The following MGA variants were observed in gnomAD, a reference collection of about 807,000 sequenced individuals.
The protein encoded by MGA is MAX gene-associated protein.
A neutral mutation model predicts 261.1 loss-of-function variants in MGA; 40 were observed. The observed-to-expected ratio is 0.15, with a 90% CI of 0.12 to 0.20. The LOEUF (loss-of-function observed/expected upper bound fraction) is 0.20, where lower values mean the gene tolerates loss of function less well. MGA is among the 10% of genes least tolerant of loss of function. MGA has a pLI of 1.00. For missense variants in MGA, 3,397 were observed against 3,630.5 expected (o/e 0.94, Z 1.65); for synonymous variants, 1,302 against 1,290.6 (o/e 1.01, Z -0.19).
Position 41,624,787 on chromosome 15 carries a change from T to C in MGA, c.-68+3489T>C, listed in dbSNP as rs571121656. Among the ~76,000 whole-genome samples the C allele has an allele frequency of 3.2e-4, 49 of 152,226 alleles. No individual in the cohort carries two copies. The South Asian group carries it at 9.7e-3, about 30-fold the overall frequency. On this transcript the variant is annotated intron_variant, in intron 1 of 8. Transcript: ENST00000566718. ...TCCTGGCCCAAATTAAATATTAAAA[T>C]ATAAAACGTGAAATCAGAAAATTAC...
intron 9 of MGA, among the ~76,000 whole-genome samples, chr15:41,719,467 G>A (rs902877312): frequency 7.9e-5 from 12 of 152,166 alleles, no homozygotes; most frequent in Non-Finnish European, 2.9e-5. Flanking sequence ...CTGGCCACAC[G>A]TGGTGGCTCA....
intron 2 of MGA, among the ~76,000 whole-genome samples, chr15:41,673,823 G>A (rs917112575): frequency 6.6e-6 from 1 of 152,038 alleles, no homozygotes; most frequent in African/African-American, 2.4e-5. Context: ...AATTACAGGC[G>A]TGAGCTACCC....
intron 2 of MGA, among the ~76,000 whole-genome samples, chr15:41,695,869 A>T (rs182836094): frequency 1.3e-5 from 2 of 152,290 alleles, no homozygotes; most frequent in African/African-American, 4.8e-5. Flanking sequence ...TTGTGTTGCA[A>T]TTCTTAGTTG....
chr15:41,706,883 C>T lies in MGA; in HGVS notation c.2189-845C>T, dbSNP rs562811595. Among the ~76,000 whole-genome samples the T allele has an allele frequency of 3.3e-5, 5 of 152,228 alleles. 1 individual carries two copies. Among genetic ancestry groups the T allele is most frequent in the South Asian group, 4.1e-4 (2 of 4,824 alleles). On this transcript the variant is annotated intron_variant, in intron 5 of 23. Coordinates refer to ENST00000219905, the MANE Select transcript of MGA (RefSeq NM_001164273.2). ...GCCACCAGCTCCGGCCAATAATTAA[C>T]GCTTCACTTTGAACTTCTTTTGGCT... is the stretch of plus-strand genomic sequence containing the variant.
intron 13 of MGA, chr15:41,739,973 A>G (rs201833815): frequency 1.9e-5 from 31 of 1,613,334 alleles, no homozygotes; most frequent in African/African-American, 5.3e-5. Context: ...CATCCAGCCA[A>G]TAGGCTAGCT....
chr15:41,760,569 G>A (rs1423945943), intron 20 of MGA, 40 bp downstream of exon 20: 2 of 1,585,838 alleles, frequency 1.3e-6, no homozygotes, highest in African/African-American at 2.7e-5. Context: ...GCTTGACTAA[G>A]AGATTCTTAC....
intron 19 of MGA, among the ~76,000 whole-genome samples, chr15:41,759,542 A>C (rs2063339557): frequency 6.9e-6 from 1 of 143,996 alleles, no homozygotes; most frequent in Non-Finnish European, 1.5e-5. Context: ...GCTTCAAGTG[A>C]TCCCCTACCT....
At chr15:41,685,520 T>A (rs1368168807) in intron 2 of MGA, among the ~76,000 whole-genome samples, 1 of 152,174 alleles carries the variant, frequency 6.6e-6, no homozygotes, top group African/African-American at 2.4e-5. Flanking sequence ...GAATAATAGA[T>A]CCAGTTGAAA....
At chr15:41,650,935 A>G (rs564088184) in intron 1 of MGA, among the ~76,000 whole-genome samples, 2 of 152,312 alleles carry the variant, frequency 1.3e-5, no homozygotes, top group South Asian at 4.1e-4. Flanking sequence ...CTGCTATAAC[A>G]GGATACCACA....
At chr15:41,621,482 C>T (rs1467236612) in intron 1 of MGA, 1 of 152,228 alleles carries the variant, frequency 6.6e-6, no homozygotes, top group Non-Finnish European at 1.5e-5. Flanking sequence ...GCGACCAGCA[C>T]GTGACCCGAA....
At chr15:41,630,487 A>G (rs2056565346) in intron 1 of MGA, among the ~76,000 whole-genome samples, 1 of 152,186 alleles carries the variant, frequency 6.6e-6, no homozygotes, top group South Asian at 2.1e-4. Context: ...ATTAAAAACT[A>G]AATCTTACAA....
Position 41,696,566 on chromosome 15 carries a change from C to T in MGA, c.1556C>T (p.Ala519Val), listed in dbSNP as rs541917777. 27 of 1,613,848 alleles carry T rather than the reference C, an allele frequency of 1.7e-5. No homozygotes were observed. The highest frequency in any genetic ancestry group is 2.2e-5 in the Non-Finnish European group (26 of 1,179,890). ...TACATTGAAAATTCCAATGAGACTG[C>T]CTTCTGCTTAGGCAAGGAATCAGAA... is the stretch of plus-strand genomic sequence containing the variant. Residue 519 changes from alanine (A) to valine (V), a missense_variant, in exon 3 of 24, where the codon GCC becomes GTC. By Grantham distance (64) the Ala-to-Val change is moderately conservative. Coordinates refer to ENST00000219905, the MANE Select transcript of MGA (RefSeq NM_001164273.2).
intron 2 of MGA, among the ~76,000 whole-genome samples, chr15:41,688,821 A>G (rs2059108985): frequency 6.6e-6 from 1 of 152,092 alleles, no homozygotes; most frequent in African/African-American, 2.4e-5. Flanking sequence ...TATTTTTTTC[A>G]CAGTTCTGGA....
chr15:41,676,461 A>G (rs1338827306), intron 2 of MGA, among the ~76,000 whole-genome samples: 1 of 152,220 alleles, frequency 6.6e-6, no homozygotes, highest in Non-Finnish European at 1.5e-5. Flanking sequence ...GCCTGGTTTG[A>G]TATATTTAAA....
At chr15:41,713,060 A>G (rs1313145384) in intron 8 of MGA, 91 bp from the exon 9 acceptor site, 4 of 1,507,278 alleles carry the variant, frequency 2.7e-6, no homozygotes, top group Admixed American at 2.1e-5. Context: ...ACTTAAAATC[A>G]GAGAGTAATG....
At chr15:41,632,326 T>G (rs773977089) in intron 1 of MGA, among the ~76,000 whole-genome samples, 3 of 152,160 alleles carry the variant, frequency 2.0e-5, no homozygotes, top group Admixed American at 6.6e-5. Context: ...GTCAGGTTAC[T>G]TTGTAGATAT....
At chr15:41,718,322 C>CATAT in intron 9 of MGA, 1 of 198,314 alleles carries the variant, frequency 5.0e-6, no homozygotes, top group Non-Finnish European at 9.5e-6. Context: ...TATATATATA[C>CATAT]ATATATATAT....
chr15:41,675,267 A>G (rs2058313290), intron 2 of MGA, among the ~76,000 whole-genome samples: 2 of 152,120 alleles, frequency 1.3e-5, no homozygotes, highest in Admixed American at 6.5e-5. Context: ...GTATGATGAG[A>G]CTTCCTGTTA....
chr15:41,745,281 T>TTAAA (rs1555432883), intron 15 of MGA, among the ~76,000 whole-genome samples: 10 of 33,226 alleles, frequency 3.0e-4, no homozygotes, highest in South Asian at 1.0e-3. Context: ...GAATGATCAA[T>TTAAA]AAAAAAAAAA....
Sources: gnomAD v4.1 joint callset for allele counts (sites outside exome capture counted in the v4.1 genomes callset) on GRCh38, gnomAD v4.1.1 for gene constraint, MANE v1.5 for transcripts, NCBI Gene and HGNC (gene_info 2026-07-23, HGNC 2026-07-21) for gene names.